TGFBR2: variants seen among roughly 807,000 people sequenced by gnomAD.
TGFBR2 encodes TGF-beta receptor type-2.
Under a neutral mutation model 49.0 loss-of-function variants are expected in TGFBR2, and 18 were observed. The observed-to-expected ratio is 0.37, with a 90% CI of 0.25 to 0.54. The LOEUF is 0.54. Among genes scored for constraint, TGFBR2 ranks in the 20% least tolerant of loss-of-function variants. The pLI is 0.85. For missense variants in TGFBR2, 525 were observed against 722.6 expected (o/e 0.73, Z 3.13); for synonymous variants, 282 against 275.9 (o/e 1.02, Z -0.22).
intron 1 of TGFBR2, among the ~76,000 whole-genome samples, chr3:30,610,089 G>A (rs1698001518): frequency 6.6e-6 from 1 of 152,074 alleles, no homozygotes; most frequent in Admixed American, 6.5e-5. Flanking sequence ...TGCAAAAACT[G>A]GGCATTTTTT....
rs2125410579 is a variant in TGFBR2 at position 30,650,422 on chromosome 3, G to T, written c.416G>T (p.Ser139Ile). The change falls in exon 3 of 7, where the codon AGC (serine) becomes ATC (isoleucine). Residue 139 changes from serine (S) to isoleucine (I), a missense_variant. Physicochemically the swap from Ser to Ile is moderately radical, Grantham distance 142 (BLOSUM62 -2). Coordinates refer to ENST00000295754, the MANE Select transcript of TGFBR2 (RefSeq NM_003242.6). ...PGETFFMCSC[S>I]SDECNDNIIF... The stretch of plus-strand genomic sequence containing the variant: ...GAGACTTTCTTCATGTGTTCCTGTA[G>T]CTCTGATGAGTGCAATGACAACATC... The T allele has an allele frequency of 6.2e-7, 1 of 1,614,032 alleles. No individual in the cohort carries two copies. The highest frequency in any genetic ancestry group is 8.5e-7 in the Non-Finnish European group (1 of 1,179,964).
chr3:30,691,877 A>C lies in TGFBR2; in HGVS notation c.*278A>C, dbSNP rs1699715853. 1 of 420,942 alleles carries C rather than the reference A, an allele frequency of 2.4e-6. No individual in the cohort carries two copies. Among genetic ancestry groups the C allele is most frequent in the Non-Finnish European group, 4.4e-6 (1 of 226,168 alleles). 26.1% of individuals were successfully genotyped at this position (420,942 alleles called of 1,614,324 possible). On this transcript the variant is annotated 3_prime_UTR_variant, in exon 7 of 7. Coordinates refer to ENST00000295754, the MANE Select transcript of TGFBR2 (RefSeq NM_003242.6). ...TAGCCAATAACATTTGCACTTTATT[A>C]ATGCCTGTATATAAATATGAATAGC...
chr3:30,628,129 A>T lies in TGFBR2; in HGVS notation c.95-16618A>T, dbSNP rs7431532. Among the ~76,000 whole-genome samples, 192 of 26,838 alleles carry T rather than the reference A, an allele frequency of 7.2e-3. 6 individuals carry two copies. Among genetic ancestry groups the T allele is most frequent in the Admixed American group, 7.3e-3 (20 of 2,726 alleles). The allele number at this position is 26,838 out of a possible 152,430, so 17.6% of individuals were successfully genotyped here. Reference sequence around the variant, plus strand: ...AGCCAGGCCTTTTTTTTTTTTTTTTAATCATCTGTGTTTTTAGTTTTAATC... The same window carrying T: ...AGCCAGGCCTTTTTTTTTTTTTTTTTATCATCTGTGTTTTTAGTTTTAATC... On this transcript the variant is annotated intron_variant, in intron 1 of 6. Transcript: ENST00000295754.
chr3:30,652,356 T>C (rs1003889453), intron 3 of TGFBR2, among the ~76,000 whole-genome samples: 3 of 146,098 alleles, frequency 2.1e-5, no homozygotes, highest in African/African-American at 7.5e-5. Flanking sequence ...TGCCTCAGCC[T>C]CCTGAGTAGG....
chr3:30,692,259 C>T lies in TGFBR2; in HGVS notation c.*660C>T, dbSNP rs1368902572. On this transcript the variant is annotated 3_prime_UTR_variant, in exon 7 of 7. Transcript: ENST00000295754. The stretch of plus-strand genomic sequence containing the variant: ...GTGGCACTGTTTGAGGACCAGTGTT[C>T]CCGGGGTTCCTGTGTGCCCTTATTT... 8.7e-6 allele frequency: 2 copies of T among 229,690 alleles called. No individual in the cohort carries two copies. The highest frequency in any genetic ancestry group is 1.2e-4 in the East Asian group (2 of 16,198). The allele number at this position is 229,690 out of a possible 1,614,324, so 14.2% of individuals were successfully genotyped here.
chr3:30,620,464 C>T (rs1294157420), intron 1 of TGFBR2, among the ~76,000 whole-genome samples: 1 of 151,832 alleles, frequency 6.6e-6, no homozygotes, highest in Non-Finnish European at 1.5e-5. Context: ...TTGACAGAAC[C>T]ATAGGCTTAT....
At chr3:30,661,587 T>A (rs189791930) in intron 3 of TGFBR2, 3 of 516,402 alleles carry the variant, frequency 5.8e-6, no homozygotes, top group Admixed American at 2.0e-5. Context: ...GGAGCACTTG[T>A]CAAAACACTG....
intron 3 of TGFBR2, among the ~76,000 whole-genome samples, chr3:30,667,777 G>A (rs772053856): frequency 1.3e-5 from 2 of 152,096 alleles, no homozygotes; most frequent in Non-Finnish European, 2.9e-5. Flanking sequence ...GTGAATTAAG[G>A]ACAAAGCTAA....
upstream of TGFBR2, chr3:30,606,509 G>C (rs1389173678): frequency 7.8e-6 from 2 of 255,600 alleles, no homozygotes; most frequent in African/African-American, 2.2e-5. Flanking sequence ...CGAGGAGAGG[G>C]AGAAGGCTCT....
chr3:30,650,880 T>C (rs1414549433), intron 3 of TGFBR2, among the ~76,000 whole-genome samples: 1 of 152,182 alleles, frequency 6.6e-6, no homozygotes, highest in Non-Finnish European at 1.5e-5. Flanking sequence ...TGGTAACTAT[T>C]GTTCTAAAGA....
chr3:30,635,777 A>G (rs12487185), intron 1 of TGFBR2, among the ~76,000 whole-genome samples: 42,009 of 152,098 alleles, frequency 0.28, 6,761 homozygotes, highest in East Asian at 0.67. Flanking sequence ...TCTTAAAGCA[A>G]TCATAGCAAA....
chr3:30,612,894 T>C lies in TGFBR2; in HGVS notation c.94+5917T>C, dbSNP rs572020684. Among the ~76,000 whole-genome samples, 11 of 152,290 alleles carry C rather than the reference T, an allele frequency of 7.2e-5. No homozygotes were observed. The South Asian group carries it at 1.7e-3, about 23-fold the overall frequency. ...TCACCCATTACATCAGGAGTACTTC[T>C]GCCTTTTACTTGCCACAGTCAGCTT... On this transcript the variant is annotated intron_variant, in intron 1 of 6. Coordinates refer to ENST00000295754, the MANE Select transcript of TGFBR2 (RefSeq NM_003242.6).
At chr3:30,608,479 G>A (rs1697974806) in intron 1 of TGFBR2, among the ~76,000 whole-genome samples, 1 of 152,050 alleles carries the variant, frequency 6.6e-6, no homozygotes, top group Admixed American at 6.6e-5. Flanking sequence ...GTAGACTTTG[G>A]ATGAAATGTA....
chr3:30,658,416 T>G (rs528197514), intron 3 of TGFBR2, among the ~76,000 whole-genome samples: 1 of 152,360 alleles, frequency 6.6e-6, no homozygotes, highest in African/African-American at 2.4e-5. Context: ...TGTTGTTGTT[T>G]TTGGGAATGG....
intron 1 of TGFBR2, among the ~76,000 whole-genome samples, chr3:30,630,735 A>T (rs1001924088): frequency 2.0e-5 from 3 of 152,206 alleles, no homozygotes; most frequent in African/African-American, 7.2e-5. Context: ...GATTAGTCCC[A>T]CATAAAAGGG....
At chr3:30,618,755 A>G (rs547236794) in intron 1 of TGFBR2, among the ~76,000 whole-genome samples, 4 of 152,352 alleles carry the variant, frequency 2.6e-5, no homozygotes, top group South Asian at 4.1e-4. Context: ...TTACTCTTCA[A>G]CATTTTTTAA....
intron 3 of TGFBR2, among the ~76,000 whole-genome samples, chr3:30,664,850 A>G (rs756516453): frequency 6.6e-6 from 1 of 152,278 alleles, no homozygotes; most frequent in African/African-American, 2.4e-5. Context: ...ATAAAATCCT[A>G]TGTGGATCAG....
chr3:30,675,379 A>G (rs772494889), intron 5 of TGFBR2, among the ~76,000 whole-genome samples: 1 of 143,004 alleles, frequency 7.0e-6, no homozygotes, highest in East Asian at 2.2e-4. Flanking sequence ...AAATGAAGCC[A>G]AACTAACTCC....
intron 5 of TGFBR2, among the ~76,000 whole-genome samples, chr3:30,687,066 G>A (rs1343876654): frequency 1.3e-5 from 2 of 152,126 alleles, no homozygotes; most frequent in African/African-American, 2.4e-5. Flanking sequence ...AAATAAGCAG[G>A]TGAATATATT....
Sources: gnomAD v4.1 joint callset for allele counts (sites outside exome capture counted in the v4.1 genomes callset) on GRCh38, gnomAD v4.1.1 for gene constraint, MANE v1.5 for transcripts, NCBI Gene and HGNC (gene_info 2026-07-23, HGNC 2026-07-21) for gene names.